MTARC1: variants seen among roughly 807,000 people sequenced by gnomAD.
MTARC1 encodes mitochondrial amidoxime-reducing component 1.
MTARC1 carries 24 observed loss-of-function variants against 33.6 expected under a neutral mutation model. The ratio of observed to expected loss-of-function variants is 0.72; its 90% CI spans 0.52 to 1.01. The LOEUF is 1.01. MTARC1 is among the 50% of genes least tolerant of loss of function. The pLI, the probability that MTARC1 is intolerant of heterozygous loss-of-function variation, is 0.00. For synonymous variants in MTARC1, 187 were observed against 189.5 expected (o/e 0.99, Z 0.11); for missense variants, 417 against 445.7 (o/e 0.94, Z 0.58).
chr1:220,801,903 C>A (rs1672820043), intron 4 of MTARC1, among the ~76,000 whole-genome samples: 2 of 152,106 alleles, frequency 1.3e-5, no homozygotes, highest in Admixed American at 1.3e-4. Flanking sequence ...TGCCTCCCTT[C>A]ATCATCGGCA....
chr1:220,811,086 C>T (rs938489578), intron 6 of MTARC1, among the ~76,000 whole-genome samples: 5 of 152,198 alleles, frequency 3.3e-5, no homozygotes, highest in Admixed American at 2.6e-4. Flanking sequence ...GACTGCAGAG[C>T]TTGGCAGCAA....
intron 6 of MTARC1, among the ~76,000 whole-genome samples, chr1:220,808,637 G>C (rs938583503): frequency 1.3e-5 from 2 of 152,198 alleles, no homozygotes; most frequent in African/African-American, 2.4e-5. Context: ...GTTGCTTCTG[G>C]AATGCCAGCG....
chr1:220,801,987 T>C (rs1020611320), intron 4 of MTARC1, among the ~76,000 whole-genome samples: 4 of 152,136 alleles, frequency 2.6e-5, no homozygotes. Flanking sequence ...CCTGCCACAG[T>C]CAGTGACCGT....
At chr1:220,802,335 C>G (rs1016351005) in intron 4 of MTARC1, among the ~76,000 whole-genome samples, 1 of 151,724 alleles carries the variant, frequency 6.6e-6, no homozygotes, top group Non-Finnish European at 1.5e-5. Context: ...TAAACTCATT[C>G]TTTCTTTCTT....
chr1:220,798,675 C>T, intron 4 of MTARC1: 2 of 811,596 alleles, frequency 2.5e-6, no homozygotes, highest in Non-Finnish European at 3.0e-6. Context: ...GGCCTAGAGG[C>T]ATGGTGAGTG....
At chr1:220,804,922 G>C in intron 4 of MTARC1, 130 bp from the exon 5 acceptor site, 1 of 976,784 alleles carries the variant, frequency 1.0e-6, no homozygotes, top group Non-Finnish European at 1.6e-6. Flanking sequence ...GCAGGGCTGG[G>C]GGAGAACAGA....
intron 2 of MTARC1, among the ~76,000 whole-genome samples, chr1:220,794,988 T>C (rs1558085937): frequency 6.6e-6 from 1 of 152,216 alleles, no homozygotes; most frequent in Non-Finnish European, 1.5e-5. Flanking sequence ...TAATGACTTC[T>C]CATTTTAGAT....
intron 6 of MTARC1, chr1:220,809,103 G>A (rs1316109469): frequency 2.9e-6 from 1 of 346,710 alleles, no homozygotes; most frequent in African/African-American, 2.2e-5. Context: ...GTAACTCCAT[G>A]GGAGGAGGCA....
At position 220,818,684 on chromosome 1, in the gene MTARC1, A is replaced by T. The variant is rs1332327088; in HGVS notation, c.*5266A>T. The stretch of plus-strand genomic sequence containing the variant: ...CCCTGTGGGAACTAAGTTAAGTCTA[A>T]CTTTTGTCTCCCTCTTTAGAATTTA... On this transcript the variant is annotated 3_prime_UTR_variant, in exon 7 of 7. Transcript: ENST00000366910. 1 of 152,176 alleles carries T rather than the reference A, an allele frequency of 6.6e-6. No homozygotes were observed. The highest frequency in any genetic ancestry group is 1.5e-5 in the Non-Finnish European group (1 of 68,024). 9.4% of individuals were successfully genotyped at this position (152,176 alleles called of 1,614,324 possible).
chr1:220,794,825 G>C (rs1316686632), intron 2 of MTARC1, among the ~76,000 whole-genome samples: 1 of 152,078 alleles, frequency 6.6e-6, no homozygotes, highest in Non-Finnish European at 1.5e-5. Flanking sequence ...ATTTAGAATG[G>C]GTGGGGTGAC....
At chr1:220,808,570 G>A (rs1171165629) in intron 6 of MTARC1, among the ~76,000 whole-genome samples, 1 of 152,332 alleles carries the variant, frequency 6.6e-6, no homozygotes, top group African/African-American at 2.4e-5. Flanking sequence ...TATTGGGCAG[G>A]TTGCTCAGAG....
chr1:220,799,002 C>G (rs1672706210), intron 4 of MTARC1: 1 of 985,260 alleles, frequency 1.0e-6, no homozygotes, highest in Non-Finnish European at 1.2e-6. Flanking sequence ...AGCTTCTGCA[C>G]TGGCTTCTGC....
rs1288211009 is a variant in MTARC1, at chr1:220,815,845, C to G, written c.*2427C>G. Reference sequence around the variant, plus strand: ...CTCGGTGGGCATCTCCTCTGTGTGGCAACTTATGCTGCAGCCACAGTGGGG... The same window carrying G: ...CTCGGTGGGCATCTCCTCTGTGTGGGAACTTATGCTGCAGCCACAGTGGGG... On this transcript the variant is annotated 3_prime_UTR_variant, in exon 7 of 7. Coordinates refer to ENST00000366910, the MANE Select transcript of MTARC1 (RefSeq NM_022746.4). 3.3e-5 allele frequency: 5 copies of G among 152,162 alleles called. No homozygotes were observed. Among genetic ancestry groups the G allele is most frequent in the African/African-American group, 1.2e-4 (5 of 41,436 alleles). 9.4% of individuals were successfully genotyped at this position (152,162 alleles called of 1,614,324 possible).
At chr1:220,804,278 C>T (rs1007797943) in intron 4 of MTARC1, among the ~76,000 whole-genome samples, 3 of 152,180 alleles carry the variant, frequency 2.0e-5, no homozygotes, top group African/African-American at 7.2e-5. Flanking sequence ...GAGAGTCATG[C>T]CTCTGAATCC....
chr1:220,787,152 A>G lies in MTARC1; in HGVS notation c.208A>G (p.Lys70Glu). The part of the protein sequence containing the change: ...QLWIYPVKSC[K>E]GVPVSEAECT... ...CTGGATCTACCCTGTGAAATCCTGCAAGGGGGTGCCGGTGAGCGAGGCGGA... is the reference window on the plus strand; with the variant it reads ...CTGGATCTACCCTGTGAAATCCTGCGAGGGGGTGCCGGTGAGCGAGGCGGA... Residue 70 changes from lysine to glutamate, a missense_variant, in exon 1 of 7, where the codon AAG becomes GAG. By Grantham distance (56) the Lys-to-Glu change is moderately conservative. Coordinates refer to ENST00000366910, the MANE Select transcript of MTARC1 (RefSeq NM_022746.4). 2 of 1,575,974 alleles carry G rather than the reference A, an allele frequency of 1.3e-6. No individual in the cohort carries two copies. The highest frequency in any genetic ancestry group is 1.7e-6 in the Non-Finnish European group (2 of 1,161,850).
intron 1 of MTARC1, among the ~76,000 whole-genome samples, chr1:220,789,930 G>C (rs890545079): frequency 6.6e-6 from 1 of 152,198 alleles, no homozygotes; most frequent in Non-Finnish European, 1.5e-5. Flanking sequence ...AGGAGTTATT[G>C]CTTAATTGGT....
Position 220,817,651 on chromosome 1 carries a change from A to C in MTARC1, c.*4233A>C, listed in dbSNP as rs1444193039. Reference sequence around the variant, plus strand: ...CTGACTGGTGCATTTATAATCCTCTAGCTAGAAAGAAAAGTTCTCCAAGTC... The same window carrying C: ...CTGACTGGTGCATTTATAATCCTCTCGCTAGAAAGAAAAGTTCTCCAAGTC... On this transcript the variant is annotated 3_prime_UTR_variant, in exon 7 of 7. Transcript: ENST00000366910. The C allele has an allele frequency of 3.9e-5, 6 of 152,232 alleles. No individual in the cohort carries two copies. The highest frequency in any genetic ancestry group is 7.3e-5 in the Non-Finnish European group (5 of 68,146). 9.4% of individuals were successfully genotyped at this position (152,232 alleles called of 1,614,324 possible). A position where few individuals can be genotyped will look rare whatever the true frequency, so the allele number is the denominator to read the frequency against.
In MTARC1 at chr1:220,796,827, A is replaced by G. The variant is rs1312023364; in HGVS notation, c.612+22A>G. The G allele has an allele frequency of 9.5e-6, 15 of 1,581,620 alleles. No homozygotes were observed. In the South Asian group the frequency reaches 1.4e-4, roughly 15 times the overall value. On this transcript the variant is annotated intron_variant, in intron 3 of 6. Transcript: ENST00000366910. ...CCAGGTGAGAGGTTCTGCTGCCTCC[A>G]TGGGTAGAAAGCAGTCACCCCCAGA...
chr1:220,807,594 C>T (rs1673008678), intron 6 of MTARC1, among the ~76,000 whole-genome samples: 1 of 151,958 alleles, frequency 6.6e-6, no homozygotes, highest in Non-Finnish European at 1.5e-5. Flanking sequence ...CAAAAACAAA[C>T]AAACAAACAA....
Sources: gnomAD v4.1 joint callset for allele counts (sites outside exome capture counted in the v4.1 genomes callset) on GRCh38, gnomAD v4.1.1 for gene constraint, MANE v1.5 for transcripts, NCBI Gene and HGNC (gene_info 2026-07-23, HGNC 2026-07-21) for gene names.